Variants in SPTBN1 observed in about 807,000 individuals in gnomAD.
SPTBN1 encodes the protein spectrin beta, non-erythrocytic 1, also known as spectrin beta chain, non-erythrocytic 1.
SPTBN1 carries 32 observed loss-of-function variants against 266.4 expected under a neutral mutation model. That is an observed-to-expected ratio of 0.12 (90% CI 0.09 to 0.16). SPTBN1 has a LOEUF of 0.16. Among genes scored for constraint, SPTBN1 ranks in the 10% least tolerant of loss-of-function variants. The probability of loss-of-function intolerance (pLI) is 1.00; values close to 1 mark genes in which losing one functional copy is unlikely to be tolerated. For synonymous variants in SPTBN1, 1,336 were observed against 1,162.2 expected, an observed-to-expected ratio of 1.15 and a Z score of -3.04; for missense variants, 2,296 against 3,067.1, an observed-to-expected ratio of 0.75 and a Z score of 5.94.
rs1208471911 is a variant in SPTBN1 at position 54,582,563 on chromosome 2, CAAAAAAA to C, written c.149-16518_149-16512del. Among the ~76,000 whole-genome samples the C allele has an allele frequency of 2.5e-4, 19 of 76,478 alleles. No homozygotes were observed. In the East Asian group the frequency reaches 6.5e-3, roughly 26 times the overall value. 50.2% of individuals were successfully genotyped at this position (76,478 alleles called of 152,430 possible). A position where few individuals can be genotyped will look rare whatever the true frequency, so the allele number is the denominator to read the frequency against. ...TGGGTGACAGAGCAAGACTCCGTCT[CAAAAAAA>C]AAAAAAAAAAGAAATATGGAGGATT... is the stretch of plus-strand genomic sequence containing the variant. On this transcript the variant is annotated intron_variant, in intron 2 of 35. Coordinates refer to ENST00000356805, the MANE Select transcript of SPTBN1 (RefSeq NM_003128.3).
intron 2 of SPTBN1, among the ~76,000 whole-genome samples, chr2:54,541,214 A>G (rs915745970): frequency 7.9e-5 from 12 of 152,176 alleles, no homozygotes; most frequent in Non-Finnish European, 1.3e-4. Context: ...TAGCCCCATT[A>G]TATGTCTCTA....
intron 7 of SPTBN1, 29 bp from the exon 8 acceptor site, chr2:54,621,371 C>A: frequency 1.3e-6 from 2 of 1,579,196 alleles, no homozygotes; most frequent in Non-Finnish European, 1.7e-6. Context: ...GCATGCAACA[C>A]ACTGAACAGA....
At chr2:54,616,080 G>A in intron 4 of SPTBN1, 127 bp from the exon 5 acceptor site, 2 of 679,970 alleles carry the variant, frequency 2.9e-6, no homozygotes, top group Non-Finnish European at 4.7e-6. Flanking sequence ...CATTGACAGG[G>A]TAGATCGTCT....
intron 30 of SPTBN1, among the ~76,000 whole-genome samples, chr2:54,658,269 A>T (rs971236674): frequency 1.3e-5 from 2 of 151,688 alleles, no homozygotes; most frequent in African/African-American, 4.9e-5. Context: ...TGGATTTATG[A>T]TCCCTTATAG....
chr2:54,476,233 C>T (rs1305001979), intron 1 of SPTBN1, among the ~76,000 whole-genome samples: 3 of 151,770 alleles, frequency 2.0e-5, no homozygotes, highest in South Asian at 2.1e-4. Context: ...TAGATGCAGG[C>T]CATTGATCAG....
At chr2:54,579,583 G>A (rs1674736954) in intron 2 of SPTBN1, among the ~76,000 whole-genome samples, 1 of 152,162 alleles carries the variant, frequency 6.6e-6, no homozygotes, top group Non-Finnish European at 1.5e-5. Context: ...AAGCACATTG[G>A]CATATTAAGG....
Position 54,649,009 on chromosome 2 carries a change from C to G in SPTBN1, c.5021C>G (p.Ser1674Cys). The G allele has an allele frequency of 1.2e-6, 2 of 1,613,066 alleles. No homozygotes were observed. The highest frequency in any genetic ancestry group is 1.3e-5 in the African/African-American group (1 of 75,004). Residue 1674 changes from serine (S) to cysteine (C), a missense_variant, in exon 25 of 36, where the codon TCC (serine) becomes TGC (cysteine). Coordinates refer to ENST00000356805, the MANE Select transcript of SPTBN1 (RefSeq NM_003128.3). The surrounding 1 kb of genome is among the most constrained non-coding windows in gnomAD (Gnocchi z 6.7). ...AGTGAGCGCATTAGCATGCGGCAGT[C>G]CAAAGTGGATAAACTGTACGCTGGT... The part of the protein sequence containing the change: ...PESERISMRQ[S>C]KVDKLYAGLK...
chr2:54,661,197 A>G, intron 32 of SPTBN1: 3 of 985,632 alleles, frequency 3.0e-6, no homozygotes, highest in Non-Finnish European at 2.4e-6. Flanking sequence ...CTATCAGGCC[A>G]CCAGCAGGAA....
At chr2:54,569,541 A>G (rs1441069262) in intron 2 of SPTBN1, among the ~76,000 whole-genome samples, 1 of 152,202 alleles carries the variant, frequency 6.6e-6, no homozygotes, top group African/African-American at 2.4e-5. Flanking sequence ...GTTAATATAG[A>G]CGAGTTTTGT....
chr2:54,631,537 C>T lies in SPTBN1; in HGVS notation c.3490C>T (p.Leu1164Phe). The part of the protein sequence containing the change: ...LHKMWENRQN[L>F]LSQSHAYQQF... Reference sequence around the variant, plus strand: ...CAAGATGTGGGAGAACAGACAAAATCTCCTATCCCAGTCACATGCCTACCA... The same window carrying T: ...CAAGATGTGGGAGAACAGACAAAATTTCCTATCCCAGTCACATGCCTACCA... The change falls in exon 16 of 36, where the codon CTC (leucine) becomes TTC (phenylalanine). Residue 1164 changes from leucine (L) to phenylalanine (F), a missense_variant. By Grantham distance (22) the Leu-to-Phe change is conservative. Coordinates refer to ENST00000356805, the MANE Select transcript of SPTBN1 (RefSeq NM_003128.3). The T allele has an allele frequency of 6.2e-7, 1 of 1,614,194 alleles. No individual in the cohort carries two copies. The highest frequency in any genetic ancestry group is 8.5e-7 in the Non-Finnish European group (1 of 1,180,032).
intron 32 of SPTBN1, chr2:54,661,706 T>G (rs376497793): frequency 1.1e-5 from 11 of 985,802 alleles, no homozygotes; most frequent in East Asian, 1.1e-4. Flanking sequence ...TTGTGTTTCA[T>G]TGATCTATAT....
chr2:54,584,816 G>A (rs1675175363), intron 2 of SPTBN1, among the ~76,000 whole-genome samples: 1 of 152,150 alleles, frequency 6.6e-6, no homozygotes, highest in East Asian at 1.9e-4. Flanking sequence ...AGACAATATT[G>A]GCTTACTGTC....
At chr2:54,595,770 G>A (rs1676038883) in intron 2 of SPTBN1, among the ~76,000 whole-genome samples, 1 of 152,144 alleles carries the variant, frequency 6.6e-6, no homozygotes, top group Admixed American at 6.5e-5. Flanking sequence ...GATATTTTGG[G>A]CCAGATAATT....
chr2:54,514,675 A>G (rs76483811), intron 1 of SPTBN1, among the ~76,000 whole-genome samples: 2,946 of 152,278 alleles, frequency 0.019, 103 homozygotes, highest in African/African-American at 0.064. Flanking sequence ...GTGAAATTCT[A>G]ATTCTTTAGT....
intron 1 of SPTBN1, among the ~76,000 whole-genome samples, chr2:54,480,359 A>C (rs1309237467): frequency 6.6e-6 from 1 of 152,250 alleles, no homozygotes; most frequent in African/African-American, 2.4e-5. Flanking sequence ...ATTTAGGAAA[A>C]ACAAAATCAA....
rs1052163702 is a variant in SPTBN1, at chr2:54,664,290, T to C, written c.6421-163T>C. On this transcript the variant is annotated intron_variant, in intron 32 of 35. Coordinates refer to ENST00000356805, the MANE Select transcript of SPTBN1 (RefSeq NM_003128.3). This position sits in a 1 kb window ranked among gnomAD's most constrained non-coding sequence, Gnocchi z 5.6. ...ATTAATCCATTCCCACCTTCTAATG[T>C]CCTTGATGTCCAGCTGGCTTTGTGG... The C allele has an allele frequency of 1.3e-5, 9 of 696,438 alleles. No homozygotes were observed. The African/African-American group carries it at 1.4e-4, about 11-fold the overall frequency. 43.1% of individuals were successfully genotyped at this position (696,438 alleles called of 1,614,324 possible).
At chr2:54,655,737 G>GC (rs534526811) in intron 28 of SPTBN1, among the ~76,000 whole-genome samples, 177 bp from the exon 29 acceptor site, 71 of 152,236 alleles carry the variant, frequency 4.7e-4, no homozygotes, top group Non-Finnish European at 9.4e-4. Flanking sequence ...TCTGGAAGGA[G>GC]CAGTGCTATG....
chr2:54,459,307 A>T (rs1311625044), intron 1 of SPTBN1, among the ~76,000 whole-genome samples: 1 of 152,248 alleles, frequency 6.6e-6, no homozygotes, highest in Non-Finnish European at 1.5e-5. Context: ...GGGCAAGACT[A>T]GTAACAACTA....
At chr2:54,662,736 A>G (rs1311648425) in intron 32 of SPTBN1, 3 of 152,194 alleles carry the variant, frequency 2.0e-5, no homozygotes, top group African/African-American at 7.2e-5. Context: ...ATTTTGACTC[A>G]GGGTTTTGTT....
Sources: allele counts gnomAD v4.1 joint callset (sites outside exome capture counted in the v4.1 genomes callset), GRCh38; gene constraint gnomAD v4.1.1; non-coding constraint Gnocchi (gnomAD v3.1); transcripts MANE v1.5; gene names NCBI Gene and HGNC (gene_info 2026-07-23, HGNC 2026-07-21).